Variants in SLIT2 observed in about 807,000 individuals in gnomAD.
SLIT2 encodes slit homolog 2 protein.
In SLIT2, 41 loss-of-function variants were observed where a neutral mutation model predicts 185.7. The ratio of observed to expected loss-of-function variants is 0.22; its 90% confidence interval spans 0.17 to 0.29. The LOEUF is 0.29. Among genes scored for constraint, SLIT2 ranks in the 10% least tolerant of loss-of-function variants. SLIT2 has a pLI of 1.00. For synonymous variants in SLIT2, 693 were observed against 680.2 expected (o/e 1.02, Z -0.29); for missense variants, 1,571 against 1,909.0 (o/e 0.82, Z 3.30).
chr4:20,280,833 GTT>G (rs34477780), intron 4 of SLIT2, among the ~76,000 whole-genome samples: 13 of 130,612 alleles, frequency 1.0e-4, no homozygotes, highest in East Asian at 2.2e-4. Context: ...TTAAAAAAAT[GTT>G]TTTTTTTTTT....
intron 4 of SLIT2, among the ~76,000 whole-genome samples, chr4:20,364,050 CT>C (rs1178507390): frequency 6.6e-6 from 1 of 152,214 alleles, no homozygotes; most frequent in East Asian, 1.9e-4. Flanking sequence ...GAAAGGCCAT[CT>C]ACAATTGATT....
chr4:20,291,314 A>G (rs978560561), intron 4 of SLIT2, among the ~76,000 whole-genome samples: 6 of 151,372 alleles, frequency 4.0e-5, no homozygotes, highest in African/African-American at 1.5e-4. Context: ...AAGTTAATCT[A>G]CTTTTTAGTG....
At chr4:20,586,731 TTAGAGA>T (rs554255278) in intron 29 of SLIT2, among the ~76,000 whole-genome samples, 175 of 152,184 alleles carry the variant, frequency 1.1e-3, no homozygotes, top group Middle Eastern at 3.4e-3. Context: ...CAATATAAAA[TTAGAGA>T]TAGAGAAGAA....
chr4:20,607,009 T>C lies in SLIT2; in HGVS notation c.3693-3004T>C, dbSNP rs184006645. Among the ~76,000 whole-genome samples, 5 of 152,336 alleles carry C rather than the reference T, an allele frequency of 3.3e-5. No individual in the cohort carries two copies. In the East Asian group the frequency reaches 9.6e-4, roughly 29 times the overall value. On this transcript the variant is annotated intron_variant, in intron 33 of 36. Coordinates refer to ENST00000504154, the MANE Select transcript of SLIT2 (RefSeq NM_004787.4). ...ATACACTTGAGCTGGACAACCTGGC[T>C]TCAGAACTGTTTAGCCACTAACTAG...
intron 11 of SLIT2, among the ~76,000 whole-genome samples, chr4:20,517,468 T>C (rs1024751850): frequency 6.8e-6 from 1 of 147,434 alleles, no homozygotes; most frequent in East Asian, 1.9e-4. Context: ...CCTCAAAATA[T>C]ATATTTATTC....
chr4:20,558,485 A>G (rs181203793), intron 26 of SLIT2, among the ~76,000 whole-genome samples: 1 of 152,084 alleles, frequency 6.6e-6, no homozygotes, highest in Non-Finnish European at 1.5e-5. Flanking sequence ...TTTAAGACAC[A>G]TTTAACATAT....
chr4:20,341,701 C>T (rs1416124690), intron 4 of SLIT2, among the ~76,000 whole-genome samples: 1 of 152,186 alleles, frequency 6.6e-6, no homozygotes, highest in Non-Finnish European at 1.5e-5. Context: ...ATCAACAAAA[C>T]AGCCATTTAA....
intron 4 of SLIT2, among the ~76,000 whole-genome samples, chr4:20,423,364 C>T (rs987510415): frequency 6.7e-6 from 1 of 149,170 alleles, no homozygotes; most frequent in Non-Finnish European, 1.5e-5. Flanking sequence ...CTGCAACATC[C>T]CCGAATATTT....
At chr4:20,536,276 C>T (rs1722272559) in intron 18 of SLIT2, among the ~76,000 whole-genome samples, 1 of 152,038 alleles carries the variant, frequency 6.6e-6, no homozygotes, top group South Asian at 2.1e-4. Context: ...CTGTACACGG[C>T]CTGGCACGGA....
intron 11 of SLIT2, among the ~76,000 whole-genome samples, chr4:20,515,687 A>G (rs1424398019): frequency 3.3e-5 from 5 of 152,128 alleles, no homozygotes; most frequent in Admixed American, 3.3e-4. Context: ...ATTTAAAAAA[A>G]TTTATAAGTA....
At chr4:20,556,566 A>G (rs998126213) in intron 26 of SLIT2, among the ~76,000 whole-genome samples, 5 of 152,052 alleles carry the variant, frequency 3.3e-5, no homozygotes, top group African/African-American at 1.2e-4. Flanking sequence ...AGTCCAAGAT[A>G]AGTCCCCTGT....
At chr4:20,589,355 C>A in intron 29 of SLIT2, among the ~76,000 whole-genome samples, 1 of 152,156 alleles carries the variant, frequency 6.6e-6, no homozygotes, top group East Asian at 1.9e-4. Flanking sequence ...GAAAAGCATT[C>A]AGATTTCCTT....
chr4:20,423,175 C>T (rs1728295185), intron 4 of SLIT2, among the ~76,000 whole-genome samples: 2 of 151,960 alleles, frequency 1.3e-5, no homozygotes, highest in Admixed American at 6.6e-5. Flanking sequence ...AATCCACGTA[C>T]AGACATAGGG....
At chr4:20,285,801 A>G (rs1323058) in intron 4 of SLIT2, among the ~76,000 whole-genome samples, 92,795 of 151,996 alleles carry the variant, frequency 0.61, 28,640 homozygotes, top group East Asian at 0.86. Flanking sequence ...ACCTGCTTCA[A>G]CCTCCCAAAG....
chr4:20,378,112 A>G (rs1244429901), intron 4 of SLIT2, among the ~76,000 whole-genome samples: 6 of 152,154 alleles, frequency 3.9e-5, no homozygotes, highest in Admixed American at 3.9e-4. Context: ...ATTAATTATG[A>G]TTGAAAAAGG....
intron 4 of SLIT2, among the ~76,000 whole-genome samples, chr4:20,314,155 A>G (rs994550013): frequency 3.3e-5 from 5 of 152,174 alleles, no homozygotes; most frequent in African/African-American, 1.2e-4. Flanking sequence ...CTGGTGTCAG[A>G]AACAACTGAC....
chr4:20,436,398 G>A (rs890119952), intron 4 of SLIT2, among the ~76,000 whole-genome samples: 10 of 152,174 alleles, frequency 6.6e-5, no homozygotes, highest in Non-Finnish European at 1.3e-4. Context: ...AGTCATCCCA[G>A]GTGAGGGCCA....
At chr4:20,390,625 A>G (rs1200153936) in intron 4 of SLIT2, among the ~76,000 whole-genome samples, 3 of 152,038 alleles carry the variant, frequency 2.0e-5, no homozygotes. Context: ...TGTATTCTTC[A>G]TTTAGAAGTA....
chr4:20,319,412 C>T (rs1718857259), intron 4 of SLIT2, among the ~76,000 whole-genome samples: 1 of 151,996 alleles, frequency 6.6e-6, no homozygotes, highest in Admixed American at 6.6e-5. Flanking sequence ...TTTTTCAGGT[C>T]TCTTCCTTTA....
Sources: gnomAD v4.1 joint callset for allele counts (sites outside exome capture counted in the v4.1 genomes callset) on GRCh38, gnomAD v4.1.1 for gene constraint, MANE v1.5 for transcripts, NCBI Gene and HGNC (gene_info 2026-07-23, HGNC 2026-07-21) for gene names.